The following SNAPC4 variants were observed in gnomAD, a reference collection of about 807,000 sequenced individuals.
SNAPC4 encodes small nuclear RNA activating complex polypeptide 4, also known as snRNA-activating protein complex subunit 4.
A neutral mutation model predicts 151.3 loss-of-function variants in SNAPC4; 127 were observed. The ratio of observed to expected loss-of-function variants is 0.84; its 90% CI spans 0.73 to 0.97. The LOEUF is 0.97. Ranked by LOEUF, SNAPC4 falls within the 50% of genes least tolerant of loss-of-function variation. The pLI, the probability that SNAPC4 is intolerant of heterozygous loss-of-function variation, is 0.00. For synonymous variants in SNAPC4, 1,002 were observed against 824.4 expected (o/e 1.22, Z -3.69); for missense variants, 2,186 against 1,935.0 (o/e 1.13, Z -2.43).
chr9:136,381,235 A>T, intron 19 of SNAPC4, 87 bp downstream of exon 19: 1 of 1,039,318 alleles, frequency 9.6e-7, no homozygotes, highest in Non-Finnish European at 1.5e-6. Context: ...GCTAGACTTT[A>T]AGGAATGAAT....
intron 10 of SNAPC4, 36 bp from the exon 11 acceptor site, chr9:136,388,627 T>C: frequency 1.2e-6 from 2 of 1,612,628 alleles, no homozygotes; most frequent in Non-Finnish European, 1.7e-6. Flanking sequence ...TGAGTGTTAC[T>C]GCGCGGCAGG....
At chr9:136,379,547 C>T (rs770517739) in intron 21 of SNAPC4, among the ~76,000 whole-genome samples, 4 of 152,326 alleles carry the variant, frequency 2.6e-5, no homozygotes, top group South Asian at 2.1e-4. Context: ...TGAGATCAGC[C>T]GGCAGCCCAG....
chr9:136,380,765 C>A lies in SNAPC4; in HGVS notation c.2474G>T (p.Arg825Leu). 2 of 1,608,310 alleles carry A rather than the reference C, an allele frequency of 1.2e-6. No individual in the cohort carries two copies. The highest frequency in any genetic ancestry group is 1.1e-5 in the South Asian group (1 of 90,984). The change falls in exon 20 of 24, where the codon CGG becomes CTG. Residue 825 changes from arginine to leucine, a missense_variant. Arg to Leu is a moderately radical substitution (Grantham distance 102, BLOSUM62 -2). Transcript: ENST00000684778. ...CTGCAGAAGATGAACTGGTGGGTCC[C>A]GAGCACCAGCCTGGGGCAGCCTGGG... The part of the protein sequence containing the change: ...LPPRLPQAGA[R>L]DPPVHLLQAS...
Position 136,381,863 on chromosome 9 carries a change from T to C in SNAPC4, c.2278A>G (p.Thr760Ala). ...ACGGCGGGTCTCTGGGAAGCCTGTGTGCAGGGCACGACAACGTCCCCTACC... is the reference window on the plus strand; with the variant it reads ...ACGGCGGGTCTCTGGGAAGCCTGTGCGCAGGGCACGACAACGTCCCCTACC... The part of the protein sequence containing the change: ...PWVGDVVVPC[T>A]QASQRPAVVQ... Residue 760 changes from threonine to alanine, a missense_variant, in exon 18 of 24, where the codon ACA becomes GCA. Thr to Ala is a moderately conservative substitution (Grantham distance 58, BLOSUM62 0). Coordinates refer to ENST00000684778, the MANE Select transcript of SNAPC4 (RefSeq NM_003086.4). 1 of 1,612,666 alleles carries C rather than the reference T, an allele frequency of 6.2e-7. No homozygotes were observed. The highest frequency in any genetic ancestry group is 8.5e-7 in the Non-Finnish European group (1 of 1,179,948).
chr9:136,378,468 C>G lies in SNAPC4; in HGVS notation c.3359G>C (p.Arg1120Pro). ...ATLLPPLTET[R>P]AAQGPRAPAL... ...TGGGGCCCTGGGGCCCTGGGCCGCCCGAGTCTCAGTCAGGGGAGGCAGCAG... is the reference window on the plus strand; with the variant it reads ...TGGGGCCCTGGGGCCCTGGGCCGCCGGAGTCTCAGTCAGGGGAGGCAGCAG... The change falls in exon 22 of 24, where the codon CGG becomes CCG. Residue 1120 changes from arginine to proline, a missense_variant. Physicochemically the swap from Arg to Pro is moderately radical, Grantham distance 103. Coordinates refer to ENST00000684778, the MANE Select transcript of SNAPC4 (RefSeq NM_003086.4). The G allele has an allele frequency of 1.3e-6, 2 of 1,588,358 alleles. No individual in the cohort carries two copies. The highest frequency in any genetic ancestry group is 1.7e-6 in the Non-Finnish European group (2 of 1,172,010).
At chr9:136,381,292 G>A (rs762898759) in intron 19 of SNAPC4, 30 bp downstream of exon 19, 2 of 1,586,526 alleles carry the variant, frequency 1.3e-6, no homozygotes, top group African/African-American at 1.3e-5. Context: ...ACAAGGCAAA[G>A]GAAAACGAAG....
At chr9:136,386,977 T>C (rs1011487810) in intron 13 of SNAPC4, among the ~76,000 whole-genome samples, 2 of 152,154 alleles carry the variant, frequency 1.3e-5, no homozygotes, top group African/African-American at 4.8e-5. Context: ...TGACCTGGCC[T>C]CAAGTGATCC....
At chr9:136,377,295 G>A (rs11794847) in intron 22 of SNAPC4, among the ~76,000 whole-genome samples, 57,504 of 152,150 alleles carry the variant, frequency 0.38, 11,285 homozygotes, top group Admixed American at 0.47. Context: ...CAGGATGGCC[G>A]GAGGCTCCTG....
intron 18 of SNAPC4, 43 bp from the exon 19 acceptor site, chr9:136,381,435 A>G (rs1833688034): frequency 1.3e-6 from 2 of 1,533,964 alleles, no homozygotes; most frequent in Admixed American, 1.7e-5. Flanking sequence ...CCCAGCTCCC[A>G]TGGGCACAGG....
intron 19 of SNAPC4, 45 bp downstream of exon 19, chr9:136,381,277 T>C: frequency 6.5e-7 from 1 of 1,526,742 alleles, no homozygotes; most frequent in South Asian, 1.1e-5. Flanking sequence ...CACCAAAAAC[T>C]TTTTACAAGG....
chr9:136,392,802 G>A (rs1301661434), intron 7 of SNAPC4, 25 bp from the exon 8 acceptor site: 3 of 1,602,182 alleles, frequency 1.9e-6, no homozygotes, highest in South Asian at 1.1e-5. Flanking sequence ...AGAGGCAGAA[G>A]GGCTGGGGCA....
At chr9:136,382,963 T>G (rs1462781222) in intron 16 of SNAPC4, among the ~76,000 whole-genome samples, 1 of 152,098 alleles carries the variant, frequency 6.6e-6, no homozygotes, top group Non-Finnish European at 1.5e-5. Context: ...CAGGTCCAAG[T>G]GCCCATTCAG....
intron 14 of SNAPC4, 60 bp from the exon 15 acceptor site, chr9:136,384,092 T>C (rs1833808770): frequency 4.1e-6 from 6 of 1,458,162 alleles, no homozygotes; most frequent in African/African-American, 2.8e-5. Flanking sequence ...CAGGACAGGC[T>C]TGCTGTTCCC....
At chr9:136,382,501 TCCC>T (rs1031714268) in intron 16 of SNAPC4, among the ~76,000 whole-genome samples, 165 bp from the exon 17 acceptor site, 1 of 152,194 alleles carries the variant, frequency 6.6e-6, no homozygotes, top group Non-Finnish European at 1.5e-5. Flanking sequence ...AAGCGTGGGT[TCCC>T]CAGGCAGGGC....
intron 2 of SNAPC4, among the ~76,000 whole-genome samples, chr9:136,397,717 G>T (rs1485503419): frequency 7.5e-6 from 1 of 133,304 alleles, no homozygotes; most frequent in Non-Finnish European, 1.6e-5. Flanking sequence ...TGGGGAGCAC[G>T]TGGGGAGGAG....
At chr9:136,392,475 G>A in intron 9 of SNAPC4, 47 bp downstream of exon 9, 2 of 1,579,456 alleles carry the variant, frequency 1.3e-6, no homozygotes, top group Non-Finnish European at 1.7e-6. Flanking sequence ...GGGCTACAGG[G>A]AGCTGTGCTC....
chr9:136,392,430 G>A (rs1054368752), intron 9 of SNAPC4, 92 bp downstream of exon 9: 3 of 1,233,040 alleles, frequency 2.4e-6, no homozygotes, highest in East Asian at 4.6e-5. Context: ...TTGCCAGGGA[G>A]GGTGTGGCCT....
chr9:136,392,169 T>C, intron 9 of SNAPC4, 63 bp from the exon 10 acceptor site: 3 of 1,592,382 alleles, frequency 1.9e-6, no homozygotes, highest in Non-Finnish European at 2.6e-6. Flanking sequence ...TAGACGCAGC[T>C]CCAGGCTGAG....
rs200343557 is a variant in SNAPC4, at chr9:136,398,413, C to T, written c.16G>A (p.Glu6Lys). 5.6e-6 allele frequency: 9 copies of T among 1,613,544 alleles called. No individual in the cohort carries two copies. Among genetic ancestry groups the T allele is most frequent in the Non-Finnish European group, 6.8e-6 (8 of 1,179,642 alleles). MDVDA[E>K]REKITQEIKE... ...ATCTCCTGTGTTATCTTCTCTCTTT[C>T]AGCATCTACATCCATGACTCCCGCC... Residue 6 changes from glutamate (E) to lysine (K), a missense_variant, in exon 2 of 24, where the codon GAA (glutamate) becomes AAA (lysine). By Grantham distance (56) the Glu-to-Lys change is moderately conservative. Transcript: ENST00000684778.
Sources: gnomAD v4.1 joint callset for allele counts (sites outside exome capture counted in the v4.1 genomes callset) on GRCh38, gnomAD v4.1.1 for gene constraint, MANE v1.5 for transcripts, NCBI Gene and HGNC (gene_info 2026-07-23, HGNC 2026-07-21) for gene names.